Variants in RANBP2 observed in about 807,000 individuals in gnomAD.
RANBP2 encodes E3 SUMO-protein ligase RanBP2.
RANBP2 carries 57 observed loss-of-function variants against 303.6 expected under a neutral mutation model. The ratio of observed to expected loss-of-function variants is 0.19; its 90% CI spans 0.15 to 0.23. The LOEUF (loss-of-function observed/expected upper bound fraction) is 0.23, where lower values mean the gene tolerates loss of function less well. Among genes scored for constraint, RANBP2 ranks in the 10% least tolerant of loss-of-function variants. The pLI, the probability that RANBP2 is intolerant of heterozygous loss-of-function variation, is 1.00. For missense variants in RANBP2, 3,138 were observed against 3,780.8 expected (o/e 0.83, Z 4.46); for synonymous variants, 1,167 against 1,301.5 (o/e 0.90, Z 2.23).
intron 18 of RANBP2, among the ~76,000 whole-genome samples, chr2:108,759,732 A>G (rs1270835617): frequency 6.6e-6 from 1 of 152,172 alleles, no homozygotes; most frequent in Non-Finnish European, 1.5e-5. Context: ...CTTACACATC[A>G]TATAGGTCCT....
At chr2:108,820,010 CAAAT>C in the RANBP2 span, among the ~76,000 whole-genome samples, 1 of 152,082 alleles carries the variant, frequency 6.6e-6, no homozygotes, top group Non-Finnish European at 1.5e-5. Context: ...AAGAAAGAAC[CAAAT>C]AAATTCTGGA....
the RANBP2 span, among the ~76,000 whole-genome samples, chr2:108,989,875 C>T: frequency 6.6e-6 from 1 of 152,176 alleles, no homozygotes; most frequent in Non-Finnish European, 1.5e-5. Context: ...CCCTCATTCA[C>T]ACCTACACAG....
the RANBP2 span, among the ~76,000 whole-genome samples, chr2:108,938,378 G>A: frequency 6.6e-6 from 1 of 152,200 alleles, no homozygotes; most frequent in Admixed American, 6.5e-5. Flanking sequence ...GCAGGTGTGT[G>A]TGCACTTGTA....
Position 108,768,477 on chromosome 2 carries a change from G to A in RANBP2, c.7849+89G>A, listed in dbSNP as rs1257143791. ...GACTCTTTGTAGGATACTAATGTTG[G>A]GATATAAATGATGCTTTGTGAACAC... On this transcript the variant is annotated intron_variant, in intron 20 of 28. Coordinates refer to ENST00000283195, the MANE Select transcript of RANBP2 (RefSeq NM_006267.5). 3 of 1,598,120 alleles carry A rather than the reference G, an allele frequency of 1.9e-6. No homozygotes were observed. In the Admixed American group the frequency reaches 5.0e-5, roughly 27 times the overall value.
At chr2:109,292,229 G>T in the RANBP2 span, among the ~76,000 whole-genome samples, 1 of 152,184 alleles carries the variant, frequency 6.6e-6, no homozygotes, top group Non-Finnish European at 1.5e-5. Flanking sequence ...CAGAAAATTT[G>T]TAATGTATAA....
At chr2:108,961,854 C>T in the RANBP2 span, among the ~76,000 whole-genome samples, 1 of 152,156 alleles carries the variant, frequency 6.6e-6, no homozygotes. Context: ...GGCCCCTGTG[C>T]TGGAAATGAA....
At chr2:109,626,904 C>T in the RANBP2 span, among the ~76,000 whole-genome samples, 223 of 152,280 alleles carry the variant, frequency 1.5e-3, 1 homozygote, top group African/African-American at 5.1e-3. Flanking sequence ...GTGTCCATAA[C>T]GGTGTACAGG....
chr2:109,565,870 A>G, the RANBP2 span: 202 of 1,609,360 alleles, frequency 1.3e-4, 3 homozygotes, highest in South Asian at 2.1e-3. Flanking sequence ...CTGAAAAAGA[A>G]TATCGAGCAC....
chr2:109,044,883 G>A, the RANBP2 span, among the ~76,000 whole-genome samples: 253 of 152,266 alleles, frequency 1.7e-3, 2 homozygotes, highest in Admixed American at 1.0e-3. Flanking sequence ...TTTTTGTCAT[G>A]TAAAAGAGGT....
At chr2:108,818,555 C>T in the RANBP2 span, among the ~76,000 whole-genome samples, 2 of 151,954 alleles carry the variant, frequency 1.3e-5, no homozygotes, top group Non-Finnish European at 2.9e-5. Flanking sequence ...TATAAATAAG[C>T]TTTTAAATAT....
chr2:109,073,633 C>A, the RANBP2 span, among the ~76,000 whole-genome samples: 1 of 149,488 alleles, frequency 6.7e-6, no homozygotes, highest in African/African-American at 2.4e-5. Flanking sequence ...TGCGCCACTG[C>A]ACTCAGGCCT....
chr2:109,415,297 G>A, the RANBP2 span, among the ~76,000 whole-genome samples: 1 of 152,254 alleles, frequency 6.6e-6, no homozygotes, highest in Non-Finnish European at 1.5e-5. Context: ...ACACCACGGT[G>A]TGGTGGCTAA....
At chr2:109,530,420 G>A in the RANBP2 span, among the ~76,000 whole-genome samples, 2 of 152,220 alleles carry the variant, frequency 1.3e-5, no homozygotes, top group South Asian at 2.1e-4. Context: ...AGTGAGGACG[G>A]ATTTGCAAAG....
the RANBP2 span, among the ~76,000 whole-genome samples, chr2:109,628,281 G>A: frequency 6.6e-6 from 1 of 152,150 alleles, no homozygotes; most frequent in African/African-American, 2.4e-5. Flanking sequence ...ATCACTTGAT[G>A]TCAGGAGTTC....
the RANBP2 span, among the ~76,000 whole-genome samples, chr2:109,251,043 C>T: frequency 1.3e-5 from 2 of 151,720 alleles, no homozygotes; most frequent in African/African-American, 4.9e-5. Context: ...ACTCTGTCGC[C>T]CAGGCTGGAG....
At chr2:109,339,128 G>A in the RANBP2 span, among the ~76,000 whole-genome samples, 1 of 152,148 alleles carries the variant, frequency 6.6e-6, no homozygotes, top group Non-Finnish European at 1.5e-5. Context: ...GGAGGGGTTG[G>A]CTTTGCTGTC....
chr2:109,274,183 G>A, the RANBP2 span, among the ~76,000 whole-genome samples: 13 of 152,182 alleles, frequency 8.5e-5, no homozygotes, highest in Non-Finnish European at 1.2e-4. Flanking sequence ...AAGTTAAAAA[G>A]TCATTATTCC....
At position 108,758,312 on chromosome 2, in the gene RANBP2, A is replaced by C. The variant is rs77920975; in HGVS notation, c.2467-101A>C. ...ACACCATCTCAAAAAAAAAAAAAAA[A>C]ATCAGTTATTTAAATTTAAAAGAGT... On this transcript the variant is annotated intron_variant, in intron 17 of 28. Coordinates refer to ENST00000283195, the MANE Select transcript of RANBP2 (RefSeq NM_006267.5). 67 of 1,528,176 alleles carry C rather than the reference A, an allele frequency of 4.4e-5. No individual in the cohort carries two copies. In the African/African-American group the frequency reaches 9.4e-4, roughly 21 times the overall value. The allele number at this position is 1,528,176 out of a possible 1,614,324, so 94.7% of individuals were successfully genotyped here. A position where few individuals can be genotyped will look rare whatever the true frequency, so the allele number is the denominator to read the frequency against.
At chr2:109,497,438 T>C in the RANBP2 span, among the ~76,000 whole-genome samples, 2 of 152,166 alleles carry the variant, frequency 1.3e-5, no homozygotes, top group African/African-American at 2.4e-5. Context: ...GTAATAATAA[T>C]GGAATGAGAA....
Sources: gnomAD v4.1 joint callset for allele counts (sites outside exome capture counted in the v4.1 genomes callset) on GRCh38, gnomAD v4.1.1 for gene constraint, MANE v1.5 for transcripts, NCBI Gene and HGNC (gene_info 2026-07-23, HGNC 2026-07-21) for gene names.